DOK7: variants seen among roughly 807,000 people sequenced by gnomAD.
The protein encoded by DOK7 is docking protein 7.
DOK7 carries 32 observed loss-of-function variants against 30.7 expected under a neutral mutation model. The observed-to-expected ratio is 1.04, with a 90% CI of 0.79 to 1.40. The LOEUF (loss-of-function observed/expected upper bound fraction) is 1.40, where lower values mean the gene tolerates loss of function less well. DOK7 is among the 40% of genes most tolerant of loss of function. The pLI, the probability that DOK7 is intolerant of heterozygous loss-of-function variation, is 0.00. For missense variants in DOK7, 1,007 were observed against 699.2 expected (o/e 1.44, Z -4.97); for synonymous variants, 447 against 324.1 (o/e 1.38, Z -4.07).
At chr4:3,497,175 A>G (rs1354400891), downstream of DOK7, among the ~76,000 whole-genome samples, 2 of 151,578 alleles carry the variant, frequency 1.3e-5, no homozygotes, top group African/African-American at 2.4e-5. Flanking sequence ...GAAGGTTGGG[A>G]GACACAGACT....
At chr4:3,487,739 G>A (rs1171540104) in intron 5 of DOK7, among the ~76,000 whole-genome samples, 1 of 152,212 alleles carries the variant, frequency 6.6e-6, no homozygotes, top group Non-Finnish European at 1.5e-5. Context: ...TTACTGGACG[G>A]GAAATGGTGG....
intron 2 of DOK7, among the ~76,000 whole-genome samples, chr4:3,465,912 CCT>C (rs1472174331): frequency 6.6e-6 from 1 of 152,218 alleles, no homozygotes; most frequent in East Asian, 1.9e-4. Flanking sequence ...TGGCCCAGCC[CCT>C]CTCTTCTTCC....
chr4:3,494,736 G>A (rs553089396), downstream of DOK7, among the ~76,000 whole-genome samples: 1 of 152,312 alleles, frequency 6.6e-6, no homozygotes, highest in African/African-American at 2.4e-5. Flanking sequence ...GGTGTGTCCT[G>A]GAGACCACAG....
At chr4:3,491,004 CTTCTTCCTGCTCATTCATTCCTTCCTT>C (rs1210045697) in intron 6 of DOK7, among the ~76,000 whole-genome samples, 87 of 91,572 alleles carry the variant, frequency 9.5e-4, no homozygotes, top group South Asian at 1.5e-3. Flanking sequence ...TTCCTTCCTT[CTTCTTCCTGCTCATTCATTCCTTCCTT>C]CCCCCCCATT....
chr4:3,500,772 GC>G lies in DOK7; in HGVS notation c.1345del (p.Arg449GlyfsTer112), dbSNP rs749486367. On this transcript the variant is annotated frameshift_variant, in exon 8 of 8. Transcript: ENST00000643608. LOFTEE classifies it high-confidence loss of function. ...CAGAGTGGGGGTGCGGCACGCACGG[GC>G]CCGGGAGGAGCAGCTGTCGGAGCTG... 24 of 1,534,730 alleles carry G rather than the reference GC, an allele frequency of 1.6e-5. No homozygotes were observed. Among genetic ancestry groups the G allele is most frequent in the Non-Finnish European group, 2.0e-5 (23 of 1,146,656 alleles).
intron 5 of DOK7, among the ~76,000 whole-genome samples, chr4:3,486,686 CCT>C (rs1328505945): frequency 1.2e-5 from 1 of 81,722 alleles, no homozygotes; most frequent in African/African-American, 5.2e-5. Flanking sequence ...TGTCTTCCTG[CCT>C]AGTGGATGCA....
chr4:3,490,496 TTTCCCC>T, intron 6 of DOK7, among the ~76,000 whole-genome samples: 1 of 124,880 alleles, frequency 8.0e-6, no homozygotes, highest in Non-Finnish European at 1.6e-5. Flanking sequence ...ATTCCTTCCT[TTTCCCC>T]CTGCTCATTC....
chr4:3,472,909 T>C (rs1726843176), intron 2 of DOK7, among the ~76,000 whole-genome samples: 1 of 152,070 alleles, frequency 6.6e-6, no homozygotes, highest in Non-Finnish European at 1.5e-5. Context: ...ACCTGGGAAC[T>C]AAAGGAACCA....
intron 6 of DOK7, among the ~76,000 whole-genome samples, chr4:3,490,732 T>C (rs1728302221): frequency 1.0e-5 from 1 of 99,094 alleles, no homozygotes; most frequent in South Asian, 4.4e-4. Flanking sequence ...CCCCACTCAT[T>C]CCTTCCTTCC....
At chr4:3,484,820 GA>G in intron 4 of DOK7, 1 of 985,500 alleles carries the variant, frequency 1.0e-6, no homozygotes, top group Non-Finnish European at 1.2e-6. Context: ...GGCCAGCAGT[GA>G]CGGCTGCAGC....
At chr4:3,486,201 G>T (rs1337788234) in intron 5 of DOK7, among the ~76,000 whole-genome samples, 1 of 152,208 alleles carries the variant, frequency 6.6e-6, no homozygotes, top group Non-Finnish European at 1.5e-5. Flanking sequence ...TTCCTTGGCT[G>T]TGGCTGCGGC....
At chr4:3,500,664 G>A in intron 7 of DOK7, 1 of 1,535,738 alleles carries the variant, frequency 6.5e-7, no homozygotes, top group Non-Finnish European at 8.7e-7. Flanking sequence ...CGGGGCGCAG[G>A]CTGCCGCTCA....
intron 3 of DOK7, among the ~76,000 whole-genome samples, chr4:3,475,657 C>G (rs1296756722): frequency 6.6e-6 from 1 of 152,142 alleles, no homozygotes; most frequent in African/African-American, 2.4e-5. Flanking sequence ...GTTCCCGTGG[C>G]CAGGCTGGGG....
chr4:3,498,142 G>A (rs954214235), downstream of DOK7, among the ~76,000 whole-genome samples: 3 of 152,204 alleles, frequency 2.0e-5, no homozygotes, highest in Non-Finnish European at 2.9e-5. Flanking sequence ...TCTGGGAGGA[G>A]AGTGCAGAAG....
At chr4:3,491,351 T>A (rs1728417442) in intron 6 of DOK7, among the ~76,000 whole-genome samples, 1 of 53,210 alleles carries the variant, frequency 1.9e-5, no homozygotes, top group African/African-American at 5.4e-5. Flanking sequence ...CTTCGCCTGC[T>A]TGTTCCTTCC....
intron 4 of DOK7, among the ~76,000 whole-genome samples, chr4:3,482,525 T>G (rs1237793421): frequency 6.6e-6 from 1 of 152,234 alleles, no homozygotes; most frequent in African/African-American, 2.4e-5. Flanking sequence ...CTCATGCCAC[T>G]TTATGCCAGA....
chr4:3,496,761 C>T (rs921962178), downstream of DOK7: 50 of 1,522,248 alleles, frequency 3.3e-5, no homozygotes, highest in South Asian at 4.8e-5. Flanking sequence ...GGTGGCCCCC[C>T]GGGCACAGGA....
At position 3,493,999 on chromosome 4, in the gene DOK7, T is replaced by G. The variant is rs75522553; in HGVS notation, c.*498T>G. On this transcript the variant is annotated 3_prime_UTR_variant, in exon 7 of 7. Coordinates refer to ENST00000340083, the MANE Select transcript of DOK7 (RefSeq NM_173660.5). ...CTGGGCTCCACCAGCCCAGCCCCCC[T>G]GGGCTCCGTGTGCGCTGGGCCTCAT... 4.7e-6 allele frequency: 2 copies of G among 429,090 alleles called. No homozygotes were observed. Among genetic ancestry groups the G allele is most frequent in the East Asian group, 3.1e-4 (1 of 3,198 alleles). The allele number at this position is 429,090 out of a possible 1,614,324, so 26.6% of individuals were successfully genotyped here.
At chr4:3,490,980 C>T in intron 6 of DOK7, among the ~76,000 whole-genome samples, 1 of 114,848 alleles carries the variant, frequency 8.7e-6, no homozygotes, top group Admixed American at 9.8e-5. Flanking sequence ...CTTCATTTCC[C>T]TCCTGCTCAT....
Sources: gnomAD v4.1 joint callset for allele counts (sites outside exome capture counted in the v4.1 genomes callset) on GRCh38, gnomAD v4.1.1 for gene constraint, MANE v1.5 for transcripts, NCBI Gene and HGNC (gene_info 2026-07-23, HGNC 2026-07-21) for gene names.